Variants in PRKAR1A observed in about 807,000 individuals in gnomAD.
PRKAR1A encodes the protein protein kinase cAMP-dependent type I regulatory subunit alpha, also known as cAMP-dependent protein kinase type I-alpha regulatory subunit.
A neutral mutation model predicts 52.0 loss-of-function variants in PRKAR1A; 3 were observed. The ratio of observed to expected loss-of-function variants is 0.06; its 90% CI spans 0.03 to 0.15. The LOEUF (loss-of-function observed/expected upper bound fraction) is 0.15, where lower values mean the gene tolerates loss of function less well. PRKAR1A is among the 10% of genes least tolerant of loss of function. PRKAR1A has a pLI of 1.00. For missense variants in PRKAR1A, 240 were observed against 477.4 expected (o/e 0.50, Z 4.63); for synonymous variants, 188 against 168.4 (o/e 1.12, Z -0.90).
the PRKAR1A span, among the ~76,000 whole-genome samples, chr17:68,453,767 T>C: frequency 6.6e-6 from 1 of 152,070 alleles, no homozygotes; most frequent in Non-Finnish European, 1.5e-5. Flanking sequence ...CCACCATGCC[T>C]GGTCTAAGAA....
the PRKAR1A span, among the ~76,000 whole-genome samples, chr17:68,492,116 T>A: frequency 6.6e-6 from 1 of 152,228 alleles, no homozygotes; most frequent in Non-Finnish European, 1.5e-5. Context: ...AGGGAGCGTG[T>A]GTTTAAGAAG....
At chr17:68,457,670 C>CGGGG in the PRKAR1A span, among the ~76,000 whole-genome samples, 2 of 151,928 alleles carry the variant, frequency 1.3e-5, no homozygotes, top group Non-Finnish European at 2.9e-5. Flanking sequence ...CCTGATAGGG[C>CGGGG]GGGGCCCCTG....
intron 11 of PRKAR1A, among the ~76,000 whole-genome samples, chr17:68,546,605 C>T (rs140932861): frequency 2.3e-4 from 35 of 151,030 alleles, no homozygotes; most frequent in Non-Finnish European, 3.7e-4. Context: ...CCGAGGCGGG[C>T]GGATCACGAG....
the PRKAR1A span, chr17:68,450,897 T>A: frequency 1.2e-6 from 2 of 1,611,096 alleles, no homozygotes; most frequent in Admixed American, 1.7e-5. Context: ...CGGGATTTCA[T>A]CTGGGAGGAA....
At chr17:68,496,818 C>CTTTTTTTT in the PRKAR1A span, among the ~76,000 whole-genome samples, 46 of 91,214 alleles carry the variant, frequency 5.0e-4, 2 homozygotes, top group Admixed American at 1.0e-3. Flanking sequence ...TTAGTTTTTA[C>CTTTTTTTT]TTTTTTTTTT....
At chr17:68,481,022 G>A in the PRKAR1A span, among the ~76,000 whole-genome samples, 2 of 152,122 alleles carry the variant, frequency 1.3e-5, no homozygotes, top group Non-Finnish European at 2.9e-5. Context: ...GTAGCTTATC[G>A]GTCTAACAGT....
the PRKAR1A span, chr17:68,421,739 G>A: frequency 1.2e-6 from 2 of 1,614,080 alleles, no homozygotes; most frequent in African/African-American, 1.3e-5. Flanking sequence ...CACCTGATAG[G>A]GGGGATGTCC....
At chr17:68,547,097 G>A (rs1195847061) in intron 11 of PRKAR1A, among the ~76,000 whole-genome samples, 1 of 151,998 alleles carries the variant, frequency 6.6e-6, no homozygotes, top group African/African-American at 2.4e-5. Flanking sequence ...CAGATGTGTG[G>A]TCATCCAGGC....
At chr17:68,491,575 AGGAGGAAGTG>A in the PRKAR1A span, among the ~76,000 whole-genome samples, 20 of 152,300 alleles carry the variant, frequency 1.3e-4, no homozygotes, top group South Asian at 2.1e-4. Flanking sequence ...TGGAGGCTCC[AGGAGGAAGTG>A]GGAGGAAGTG....
At position 68,549,689 on chromosome 17, in the gene PRKAR1A, A is replaced by G. The variant is rs186088259; in HGVS notation, c.974-1395A>G. Among the ~76,000 whole-genome samples the G allele has an allele frequency of 6.9e-3, 1,057 of 152,260 alleles. 6 individuals are homozygous for G. Among genetic ancestry groups the G allele is most frequent in the African/African-American group, 0.019 (791 of 41,538 alleles). ...CTCTAACTGGGGCTGTCTTTTGAGT[A>G]TATATTATATGTGCTCGACTAACTG... On this transcript the variant is annotated intron_variant, in intron 11 of 11. Transcript: ENST00000585981.
upstream of PRKAR1A, among the ~76,000 whole-genome samples, chr17:68,509,218 G>C (rs1403059090): frequency 6.6e-6 from 1 of 152,192 alleles, no homozygotes; most frequent in Non-Finnish European, 1.5e-5. Context: ...GGAAGGTCTT[G>C]CTGTGTGGCC....
the PRKAR1A span, chr17:68,435,809 T>C: frequency 2.0e-3 from 2,182 of 1,104,002 alleles, 40 homozygotes; most frequent in African/African-American, 0.028. Context: ...CTCCCTCCTT[T>C]GTCCAGCTCC....
the PRKAR1A span, among the ~76,000 whole-genome samples, chr17:68,458,716 T>A: frequency 1.3e-5 from 2 of 152,220 alleles, no homozygotes; most frequent in African/African-American, 2.4e-5. Context: ...TTACTGTCAA[T>A]ACGGTTTATG....
chr17:68,532,046 T>G lies in PRKAR1A; in HGVS notation c.*1597T>G. 3.8e-6 allele frequency: 4 copies of G among 1,065,422 alleles called. No individual in the cohort carries two copies. The highest frequency in any genetic ancestry group is 4.6e-6 in the Non-Finnish European group (4 of 879,036). The allele number at this position is 1,065,422 out of a possible 1,614,324, so 66.0% of individuals were successfully genotyped here. Reference sequence around the variant, plus strand: ...ATAGATTTGAAAAACTTTTAGGTTGTTACCAAGTATGAAGTATAAATCTGG... The same window carrying G: ...ATAGATTTGAAAAACTTTTAGGTTGGTACCAAGTATGAAGTATAAATCTGG... On this transcript the variant is annotated 3_prime_UTR_variant, in exon 11 of 11. Coordinates refer to ENST00000589228, the MANE Select transcript of PRKAR1A (RefSeq NM_002734.5).
chr17:68,494,988 C>A, the PRKAR1A span, among the ~76,000 whole-genome samples: 1 of 152,166 alleles, frequency 6.6e-6, no homozygotes, highest in Admixed American at 6.5e-5. Flanking sequence ...GGCTAAGATC[C>A]TCCTAGATCT....
At chr17:68,493,119 T>C in the PRKAR1A span, among the ~76,000 whole-genome samples, 25 of 72,986 alleles carry the variant, frequency 3.4e-4, no homozygotes, top group Non-Finnish European at 4.5e-4. Flanking sequence ...TAACACACAT[T>C]GGGGCCTGTC....
the PRKAR1A span, among the ~76,000 whole-genome samples, chr17:68,465,086 C>T: frequency 2.2e-5 from 2 of 90,256 alleles, no homozygotes; most frequent in South Asian, 4.3e-4. Context: ...CCACCACGCC[C>T]GGCTAATTTT....
intron 11 of PRKAR1A, among the ~76,000 whole-genome samples, chr17:68,546,555 G>C (rs1390694212): frequency 6.6e-6 from 1 of 152,052 alleles, no homozygotes; most frequent in Non-Finnish European, 1.5e-5. Flanking sequence ...ACTTGGCTGG[G>C]CGTGGTGGCT....
At chr17:68,450,379 G>A in the PRKAR1A span, among the ~76,000 whole-genome samples, 354 of 152,298 alleles carry the variant, frequency 2.3e-3, 2 homozygotes, top group African/African-American at 7.9e-3. Context: ...AACCAGAAGA[G>A]TCGCTCCTCT....
Sources: gnomAD v4.1 joint callset for allele counts (sites outside exome capture counted in the v4.1 genomes callset) on GRCh38, gnomAD v4.1.1 for gene constraint, MANE v1.5 for transcripts, NCBI Gene and HGNC (gene_info 2026-07-23, HGNC 2026-07-21) for gene names.